Variants in MSI2 observed in about 807,000 individuals in gnomAD.
The protein encoded by MSI2 is musashi RNA binding protein 2, also known as RNA-binding protein Musashi homolog 2.
A neutral mutation model predicts 45.6 loss-of-function variants in MSI2; 17 were observed. That is an observed-to-expected ratio of 0.37 (90% CI 0.26 to 0.56). The LOEUF (loss-of-function observed/expected upper bound fraction) is 0.56, where lower values mean the gene tolerates loss of function less well. Among genes scored for constraint, MSI2 ranks in the 20% least tolerant of loss-of-function variants. The pLI, the probability that MSI2 is intolerant of heterozygous loss-of-function variation, is 0.77. For missense variants in MSI2, 293 were observed against 444.2 expected (o/e 0.66, Z 3.06); for synonymous variants, 156 against 158.2 (o/e 0.99, Z 0.11).
intron 7 of MSI2, among the ~76,000 whole-genome samples, chr17:57,573,113 C>T (rs1399262364): frequency 6.6e-6 from 1 of 152,086 alleles, no homozygotes. Context: ...CTGTGGTGGG[C>T]GGTACGGTGT....
intron 6 of MSI2, among the ~76,000 whole-genome samples, chr17:57,435,246 G>A (rs1415016947): frequency 6.6e-6 from 1 of 152,148 alleles, no homozygotes; most frequent in African/African-American, 2.4e-5. Flanking sequence ...GTGCAGATAT[G>A]GGAGGTAGTC....
intron 8 of MSI2, among the ~76,000 whole-genome samples, chr17:57,602,305 C>G (rs1905979475): frequency 6.6e-6 from 1 of 151,924 alleles, no homozygotes; most frequent in Admixed American, 6.6e-5. Flanking sequence ...CCAAGGAAGC[C>G]AAAAGATTGG....
chr17:57,645,261 C>T (rs1291494050), intron 10 of MSI2, among the ~76,000 whole-genome samples: 2 of 152,152 alleles, frequency 1.3e-5, no homozygotes, highest in Admixed American at 1.3e-4. Context: ...GTGGAGACAT[C>T]GCATTGGCTC....
At chr17:57,343,501 T>TGACTC (rs775108372) in intron 5 of MSI2, among the ~76,000 whole-genome samples, 26 of 152,178 alleles carry the variant, frequency 1.7e-4, no homozygotes, top group Non-Finnish European at 3.4e-4. Context: ...CATTAGGGAA[T>TGACTC]AATTGTACGC....
downstream of MSI2, among the ~76,000 whole-genome samples, chr17:57,688,293 C>T (rs115140578): frequency 8.6e-3 from 1,306 of 151,968 alleles, 16 homozygotes; most frequent in African/African-American, 0.03. Flanking sequence ...AGAAAAATTG[C>T]TACTAAAATT....
At chr17:57,649,730 G>A (rs1446959964) in intron 10 of MSI2, among the ~76,000 whole-genome samples, 1 of 152,232 alleles carries the variant, frequency 6.6e-6, no homozygotes, top group Non-Finnish European at 1.5e-5. Flanking sequence ...TGGTGAGGCT[G>A]GATGGCCTAA....
In MSI2 at chr17:57,636,093, G is replaced by A. The variant is rs148309637; in HGVS notation, c.727+8790G>A. 1.3e-4 allele frequency among the ~76,000 whole-genome samples: 20 copies of A among 152,262 alleles called. No homozygotes were observed. The East Asian group carries it at 3.9e-3, about 29-fold the overall frequency. ...GCCGCTGTAGTCCATTGTCTGTAGG[G>A]CTGCTTGCAAGGTAAGCTTCAGTCA... On this transcript the variant is annotated intron_variant, in intron 10 of 13. Coordinates refer to ENST00000284073, the MANE Select transcript of MSI2 (RefSeq NM_138962.4).
At chr17:57,325,405 A>G (rs1256745371) in intron 5 of MSI2, among the ~76,000 whole-genome samples, 4 of 152,224 alleles carry the variant, frequency 2.6e-5, no homozygotes, top group Admixed American at 2.6e-4. Context: ...TCAGTATGCA[A>G]TTCATCCATG....
At chr17:57,575,843 G>A (rs2088025311) in intron 7 of MSI2, among the ~76,000 whole-genome samples, 1 of 151,682 alleles carries the variant, frequency 6.6e-6, no homozygotes, top group Non-Finnish European at 1.5e-5. Context: ...TACTCGGGAG[G>A]CTGAGGCAGG....
intron 5 of MSI2, among the ~76,000 whole-genome samples, chr17:57,387,254 T>A (rs1210762784): frequency 1.1e-4 from 16 of 152,254 alleles, no homozygotes. Flanking sequence ...TCTGTAACAC[T>A]ACACATTTAG....
rs1913604234 is a variant in MSI2, at chr17:57,681,640, A to G, written c.*2123A>G. ...GCAACAACATTTTTTTTAATTAAAAAAAAAATCATGTTCTTTGTTTTTCTA... is the reference window on the plus strand; with the variant it reads ...GCAACAACATTTTTTTTAATTAAAAGAAAAATCATGTTCTTTGTTTTTCTA... On this transcript the variant is annotated 3_prime_UTR_variant, in exon 14 of 14. Coordinates refer to ENST00000284073, the MANE Select transcript of MSI2 (RefSeq NM_138962.4). 5.3e-6 allele frequency: 1 copy of G among 187,060 alleles called. No individual in the cohort carries two copies. The highest frequency in any genetic ancestry group is 1.1e-5 in the Non-Finnish European group (1 of 88,748). 11.6% of individuals were successfully genotyped at this position (187,060 alleles called of 1,614,324 possible).
At chr17:57,662,014 A>C (rs1912026307) in intron 11 of MSI2, among the ~76,000 whole-genome samples, 1 of 152,128 alleles carries the variant, frequency 6.6e-6, no homozygotes, top group South Asian at 2.1e-4. Flanking sequence ...CAACAATACA[A>C]ACCATCAGGC....
intron 6 of MSI2, among the ~76,000 whole-genome samples, chr17:57,482,333 C>G (rs2085663688): frequency 1.3e-5 from 2 of 152,212 alleles, no homozygotes; most frequent in South Asian, 4.1e-4. Context: ...CAGTAAATGC[C>G]TGACTTCATT....
At chr17:57,301,312 A>T (rs1911400954) in intron 5 of MSI2, among the ~76,000 whole-genome samples, 1 of 152,232 alleles carries the variant, frequency 6.6e-6, no homozygotes, top group Admixed American at 6.5e-5. Context: ...TTTAGAGCGG[A>T]TGCAAGGTCC....
chr17:57,283,893 C>G (rs1909638141), intron 5 of MSI2, among the ~76,000 whole-genome samples: 1 of 152,206 alleles, frequency 6.6e-6, no homozygotes. Flanking sequence ...GGGAAGCACT[C>G]ACGTTGTGCC....
chr17:57,300,240 A>G (rs559289189), intron 5 of MSI2, among the ~76,000 whole-genome samples: 8 of 152,138 alleles, frequency 5.3e-5, no homozygotes, highest in African/African-American at 1.7e-4. Flanking sequence ...CTCTCATTCC[A>G]GGTGTCTTAA....
chr17:57,563,715 C>G (rs149827478), intron 7 of MSI2, among the ~76,000 whole-genome samples: 3,736 of 150,208 alleles, frequency 0.025, 193 homozygotes, highest in African/African-American at 0.087. Context: ...CTGTCTCTCT[C>G]TCTCTTTCCC....
chr17:57,450,670 C>CAA (rs58773765), intron 6 of MSI2, among the ~76,000 whole-genome samples: 343 of 31,970 alleles, frequency 0.011, 17 homozygotes, highest in African/African-American at 0.029. Flanking sequence ...GACTGCATCT[C>CAA]AAAAAAAAAA....
intron 5 of MSI2, among the ~76,000 whole-genome samples, chr17:57,268,845 AC>A (rs1442571373): frequency 6.6e-6 from 1 of 152,118 alleles, no homozygotes; most frequent in Non-Finnish European, 1.5e-5. Flanking sequence ...AAACAAACAA[AC>A]AAACAAACAA....
Sources: gnomAD v4.1 joint callset for allele counts (sites outside exome capture counted in the v4.1 genomes callset) on GRCh38, gnomAD v4.1.1 for gene constraint, MANE v1.5 for transcripts, NCBI Gene and HGNC (gene_info 2026-07-23, HGNC 2026-07-21) for gene names.